Variants in DIP2C observed in about 807,000 individuals in gnomAD.
DIP2C encodes disco-interacting protein 2 homolog C.
Under a neutral mutation model 192.4 loss-of-function variants are expected in DIP2C, and 33 were observed. That is an observed-to-expected ratio of 0.17 (90% confidence interval 0.13 to 0.23). DIP2C has a LOEUF of 0.23. Ranked by LOEUF, DIP2C falls within the 10% of genes least tolerant of loss-of-function variation. DIP2C has a pLI of 1.00. For synonymous variants in DIP2C, 979 were observed against 864.1 expected (o/e 1.13, Z -2.33); for missense variants, 1,537 against 2,110.1 (o/e 0.73, Z 5.32).
intron 8 of DIP2C, among the ~76,000 whole-genome samples, chr10:409,970 T>C (rs761979674): frequency 3.1e-4 from 47 of 152,228 alleles, no homozygotes; most frequent in Non-Finnish European, 5.0e-4. Flanking sequence ...GATAATGCTG[T>C]AATAGTGTAA....
intron 9 of DIP2C, among the ~76,000 whole-genome samples, chr10:400,209 G>T (rs1017452217): frequency 1.3e-5 from 2 of 152,108 alleles, no homozygotes; most frequent in African/African-American, 4.8e-5. Flanking sequence ...AATATCTTTA[G>T]ATGGGGTCTC....
At chr10:559,331 C>CCGGGGGAACGG (rs1440029576) in intron 1 of DIP2C, among the ~76,000 whole-genome samples, 8 of 141,072 alleles carry the variant, frequency 5.7e-5, no homozygotes, top group African/African-American at 2.0e-4. Flanking sequence ...GTGGGGAACG[C>CCGGGGGAACGG]CGGGGGAACG....
chr10:283,374 G>T lies in DIP2C; in HGVS notation c.4192C>A (p.His1398Asn). ...IYGDESLQSD[H>N]FNSRLSFGDT... ...CCAAAACTTAGTCTTGAGTTGAAGTGATCTGACTGGAGGGATTCGTCTCCG... is the reference window on the plus strand; with the variant it reads ...CCAAAACTTAGTCTTGAGTTGAAGTTATCTGACTGGAGGGATTCGTCTCCG... Residue 1398 changes from histidine to asparagine, a missense_variant, in exon 35 of 37, where the codon CAC (histidine) becomes AAC (asparagine). Coordinates refer to ENST00000280886, the MANE Select transcript of DIP2C (RefSeq NM_014974.3). The T allele has an allele frequency of 6.2e-7, 1 of 1,614,204 alleles. No homozygotes were observed. Among genetic ancestry groups the T allele is most frequent in the South Asian group, 1.1e-5 (1 of 91,084 alleles).
chr10:606,701 T>G (rs1852511277), intron 1 of DIP2C, among the ~76,000 whole-genome samples: 1 of 152,250 alleles, frequency 6.6e-6, no homozygotes, highest in Non-Finnish European at 1.5e-5. Context: ...TCTCACTGCT[T>G]AAGCACTCTG....
At position 344,886 on chromosome 10, in the gene DIP2C, A is replaced by T; in HGVS notation, c.3376T>A (p.Cys1126Ser). 1 of 1,607,654 alleles carries T rather than the reference A, an allele frequency of 6.2e-7. No individual in the cohort carries two copies. The highest frequency in any genetic ancestry group is 8.5e-7 in the Non-Finnish European group (1 of 1,178,100). Residue 1126 changes from cysteine to serine, a missense_variant, in exon 28 of 37, where the codon TGC becomes AGC. Coordinates refer to ENST00000280886, the MANE Select transcript of DIP2C (RefSeq NM_014974.3). ...AGAGTGTCTGGGTTGCAAGGTTTGC[A>T]GATCTGGGCAGGCCGCTTCTTTGGC... The part of the protein sequence containing the change: ...DLPKKRPAQI[C>S]KPCNPDTLAY...
chr10:337,410 G>C (rs1388956374), intron 29 of DIP2C, among the ~76,000 whole-genome samples: 4 of 147,392 alleles, frequency 2.7e-5, no homozygotes, highest in Non-Finnish European at 4.5e-5. Flanking sequence ...CTACGTAGCT[G>C]TGTGTGTGTG....
chr10:473,497 G>A (rs960522560), intron 2 of DIP2C, among the ~76,000 whole-genome samples: 1 of 150,298 alleles, frequency 6.7e-6, no homozygotes, highest in Non-Finnish European at 1.5e-5. Context: ...TCACAGAAAG[G>A]ACGTCACCCC....
chr10:549,106 A>C (rs986389946), intron 1 of DIP2C, among the ~76,000 whole-genome samples: 1 of 152,214 alleles, frequency 6.6e-6, no homozygotes, highest in Admixed American at 6.5e-5. Context: ...GAAAACAAGC[A>C]GCTCATCAAG....
chr10:427,923 AG>A (rs1460049828), intron 4 of DIP2C, among the ~76,000 whole-genome samples: 2 of 152,206 alleles, frequency 1.3e-5, no homozygotes, highest in Non-Finnish European at 2.9e-5. Context: ...CCCAAGATAA[AG>A]GAAATTATAC....
At chr10:491,041 G>A (rs555503002) in intron 1 of DIP2C, among the ~76,000 whole-genome samples, 13 of 152,304 alleles carry the variant, frequency 8.5e-5, no homozygotes, top group Non-Finnish European at 1.5e-4. Flanking sequence ...CCTGGCAAAC[G>A]CAGGGTTAAG....
At chr10:557,689 T>A (rs57424382) in intron 1 of DIP2C, among the ~76,000 whole-genome samples, 1 of 13,830 alleles carries the variant, frequency 7.2e-5, no homozygotes, top group Non-Finnish European at 1.2e-4. Context: ...GGGGTGGGGG[T>A]GGGGGTGGGG....
At chr10:537,293 ATC>A (rs1435999362) in intron 1 of DIP2C, among the ~76,000 whole-genome samples, 6 of 152,140 alleles carry the variant, frequency 3.9e-5, no homozygotes, top group African/African-American at 1.2e-4. Context: ...CTGGACCAGA[ATC>A]TCTGTGATTT....
At chr10:365,637 C>T (rs1471931033) in intron 19 of DIP2C, among the ~76,000 whole-genome samples, 1 of 152,326 alleles carries the variant, frequency 6.6e-6, no homozygotes. Flanking sequence ...AAGGCCAGGA[C>T]CTACTTGGTA....
chr10:634,264 C>T (rs1854700386), intron 1 of DIP2C, among the ~76,000 whole-genome samples: 1 of 152,244 alleles, frequency 6.6e-6, no homozygotes, highest in African/African-American at 2.4e-5. Flanking sequence ...TCACCCCTTC[C>T]TGGTGCCCCA....
intron 3 of DIP2C, among the ~76,000 whole-genome samples, chr10:463,177 G>A (rs918282147): frequency 6.6e-6 from 1 of 152,130 alleles, no homozygotes; most frequent in Non-Finnish European, 1.5e-5. Flanking sequence ...AAGAAAGAAA[G>A]GGTATTCAAA....
At chr10:548,630 G>T (rs1023364341) in intron 1 of DIP2C, among the ~76,000 whole-genome samples, 2 of 150,914 alleles carry the variant, frequency 1.3e-5, no homozygotes, top group African/African-American at 2.4e-5. Flanking sequence ...ATGGTGTGGT[G>T]GGGGGAGGAG....
chr10:655,544 C>G (rs1374474408), intron 1 of DIP2C, among the ~76,000 whole-genome samples: 1 of 152,096 alleles, frequency 6.6e-6, no homozygotes, highest in Non-Finnish European at 1.5e-5. Context: ...CTCTGCTATT[C>G]CACACTATGC....
intron 3 of DIP2C, among the ~76,000 whole-genome samples, chr10:445,030 C>T (rs948578168): frequency 2.0e-5 from 3 of 152,252 alleles, no homozygotes; most frequent in Non-Finnish European, 4.4e-5. Context: ...CGTTTTAAGT[C>T]TCCATCAGTC....
At chr10:612,352 T>TA (rs1397900837) in intron 1 of DIP2C, among the ~76,000 whole-genome samples, 3 of 152,070 alleles carry the variant, frequency 2.0e-5, no homozygotes, top group African/African-American at 7.3e-5. Flanking sequence ...ATATATCAGC[T>TA]AAAAGAAAAA....
Sources: allele counts gnomAD v4.1 joint callset (sites outside exome capture counted in the v4.1 genomes callset), GRCh38; gene constraint gnomAD v4.1.1; transcripts MANE v1.5; gene names NCBI Gene and HGNC (gene_info 2026-07-23, HGNC 2026-07-21).